Variants in ADGRV1 observed in about 807,000 individuals in gnomAD.
The protein encoded by ADGRV1 is G-protein coupled receptor 98.
A neutral mutation model predicts 596.2 loss-of-function variants in ADGRV1; 359 were observed. The ratio of observed to expected loss-of-function variants is 0.60; its 90% CI spans 0.55 to 0.66. ADGRV1 has a LOEUF of 0.66. Ranked by LOEUF, ADGRV1 falls within the 30% of genes least tolerant of loss-of-function variation. ADGRV1 has a pLI of 0.00. For synonymous variants in ADGRV1, 2,681 were observed against 2,679.2 expected, an observed-to-expected ratio of 1.00 and a Z score of -0.02; for missense variants, 7,274 against 7,575.6, an observed-to-expected ratio of 0.96 and a Z score of 1.48.
rs372484022 is a variant in ADGRV1, at chr5:90,720,066, A to G, written c.9466A>G (p.Ile3156Val). 1.5e-4 allele frequency: 248 copies of G among 1,613,676 alleles called. 2 individuals are homozygous for G. In the South Asian group the frequency reaches 2.1e-3, roughly 14 times the overall value. The change falls in exon 44 of 90, where the codon ATA (isoleucine) becomes GTA (valine). Residue 3156 changes from isoleucine to valine, a missense_variant. This residue lies in a region of ADGRV1 where 3,643 missense variants were observed against 3,809.2 expected (regional missense o/e 0.96). Coordinates refer to ENST00000405460, the MANE Select transcript of ADGRV1 (RefSeq NM_032119.4). ...TTTTCAGGCCCTACAAATATCTGCC[A>G]TATTAGACACGGAACCAGAAATGGA... ...VRFKALQISA[I>V]LDTEPEMDEY...
chr5:90,927,190 G>C (rs1353459637), intron 83 of ADGRV1, among the ~76,000 whole-genome samples: 2 of 150,594 alleles, frequency 1.3e-5, no homozygotes, highest in East Asian at 1.9e-4. Flanking sequence ...GGGTATCCTT[G>C]TTGACTTTCT....
chr5:91,120,426 T>A (rs1263565994), intron 87 of ADGRV1, among the ~76,000 whole-genome samples: 1 of 152,228 alleles, frequency 6.6e-6, no homozygotes, highest in Non-Finnish European at 1.5e-5. Flanking sequence ...GCTGCCAGTT[T>A]GTGGCCTCTG....
intron 83 of ADGRV1, among the ~76,000 whole-genome samples, chr5:90,904,869 G>A (rs1772172525): frequency 6.6e-6 from 1 of 151,448 alleles, no homozygotes; most frequent in South Asian, 2.1e-4. Flanking sequence ...ATAGTTTGAG[G>A]TCTTAGGTTT....
intron 75 of ADGRV1, among the ~76,000 whole-genome samples, chr5:90,822,370 C>T (rs1203868540): frequency 6.6e-6 from 1 of 152,122 alleles, no homozygotes; most frequent in Non-Finnish European, 1.5e-5. Flanking sequence ...AGAAATCACC[C>T]GTCTTCTGCG....
At chr5:90,833,630 G>A (rs533175738) in intron 77 of ADGRV1, among the ~76,000 whole-genome samples, 38 of 152,234 alleles carry the variant, frequency 2.5e-4, no homozygotes, top group African/African-American at 8.7e-4. Context: ...GTTTGGCTAA[G>A]TTAATTCTCA....
chr5:90,701,432 A>C (rs1747894201), intron 34 of ADGRV1, among the ~76,000 whole-genome samples: 1 of 152,074 alleles, frequency 6.6e-6, no homozygotes, highest in Non-Finnish European at 1.5e-5. Context: ...ATAAAGAGAC[A>C]GAATAAATAC....
intron 13 of ADGRV1, among the ~76,000 whole-genome samples, chr5:90,643,571 G>A (rs1392123154): frequency 6.6e-6 from 1 of 152,088 alleles, no homozygotes; most frequent in African/African-American, 2.4e-5. Context: ...TTTTAGAGTA[G>A]TATCATTGTT....
Position 90,705,576 on chromosome 5 carries a change from C to T in ADGRV1, c.8563C>T (p.Leu2855=). The change falls in exon 37 of 90, where the codon CTA becomes TTA. Residue 2855 remains leucine (L), a synonymous_variant. Transcript: ENST00000405460. The stretch of plus-strand genomic sequence containing the variant: ...TTTCATCAACAGAGAATTTGGATCT[C>T]TAGGTTTGTGTTACTCTAGAATGAA... ...QLFINREFGS[L]GAINVTYTTV... 1 of 1,612,632 alleles carries T rather than the reference C, an allele frequency of 6.2e-7. No individual in the cohort carries two copies. The highest frequency in any genetic ancestry group is 8.5e-7 in the Non-Finnish European group (1 of 1,179,104).
intron 1 of ADGRV1, among the ~76,000 whole-genome samples, chr5:90,568,755 A>C (rs1755985952): frequency 1.3e-5 from 2 of 151,972 alleles, no homozygotes; most frequent in Non-Finnish European, 1.5e-5. Flanking sequence ...TTTTCCCCTC[A>C]ATTTGGTCAG....
chr5:90,783,178 A>C lies in ADGRV1; in HGVS notation c.13286A>C (p.Tyr4429Ser). The change falls in exon 66 of 90, where the codon TAT (tyrosine) becomes TCT (serine). Residue 4429 changes from tyrosine (Y) to serine (S), a missense_variant. Physicochemically the swap from Tyr to Ser is moderately radical, Grantham distance 144 (BLOSUM62 -2). This residue lies in a region of ADGRV1 where 3,643 missense variants were observed against 3,809.2 expected (regional missense o/e 0.96). Transcript: ENST00000405460. The stretch of plus-strand genomic sequence containing the variant: ...CCAGTGGTGAGGCTACATGGAACTT[A>C]TGGCTATGTGACAGCTGATTTCATC... ...MIPVVRLHGT[Y>S]GYVTADFISQ... 1 of 1,613,694 alleles carries C rather than the reference A, an allele frequency of 6.2e-7. No individual in the cohort carries two copies. The highest frequency in any genetic ancestry group is 1.1e-5 in the South Asian group (1 of 91,074).
intron 74 of ADGRV1, among the ~76,000 whole-genome samples, chr5:90,815,182 G>A (rs1409493242): frequency 6.6e-6 from 1 of 152,076 alleles, no homozygotes; most frequent in Non-Finnish European, 1.5e-5. Flanking sequence ...TCATTTATTT[G>A]ACAAGTATTT....
At chr5:90,785,292 C>G (rs62373983) in intron 67 of ADGRV1, among the ~76,000 whole-genome samples, 2,191 of 151,738 alleles carry the variant, frequency 0.014, 21 homozygotes, top group Non-Finnish European at 0.023. Flanking sequence ...GACCTAAAAC[C>G]ATAAAAACCC....
intron 41 of ADGRV1, 28 bp downstream of exon 41, chr5:90,711,350 C>T (rs755009320): frequency 1.9e-6 from 3 of 1,541,040 alleles, no homozygotes; most frequent in African/African-American, 2.8e-5. Flanking sequence ...TCACAGATGA[C>T]TTTTACAAAT....
chr5:90,668,243 T>C (rs898201394), intron 21 of ADGRV1, among the ~76,000 whole-genome samples: 1 of 152,010 alleles, frequency 6.6e-6, no homozygotes, highest in African/African-American at 2.4e-5. Flanking sequence ...CTCAGACTGC[T>C]GTGCTAGCAA....
chr5:90,786,883 T>A (rs1185121559), intron 67 of ADGRV1, among the ~76,000 whole-genome samples: 1 of 152,150 alleles, frequency 6.6e-6, no homozygotes, highest in Non-Finnish European at 1.5e-5. Context: ...CAGGGCAGCA[T>A]GCGACTGTGT....
chr5:91,037,629 A>C (rs901160562), intron 85 of ADGRV1, among the ~76,000 whole-genome samples: 2 of 152,232 alleles, frequency 1.3e-5, no homozygotes, highest in African/African-American at 4.8e-5. Flanking sequence ...CTTTAAACAG[A>C]TAAGCCATAA....
chr5:90,646,881 C>G (rs987307105), intron 16 of ADGRV1, among the ~76,000 whole-genome samples: 16 of 150,186 alleles, frequency 1.1e-4, no homozygotes, highest in Middle Eastern at 3.5e-3. Flanking sequence ...TCAAGTGATT[C>G]TCCTGCCTCA....
At chr5:90,703,114 C>T (rs1482726283) in intron 34 of ADGRV1, among the ~76,000 whole-genome samples, 1 of 152,008 alleles carries the variant, frequency 6.6e-6, no homozygotes, top group Non-Finnish European at 1.5e-5. Flanking sequence ...GGCAAAGTTA[C>T]AGATGTTGAT....
At position 90,784,006 on chromosome 5, in the gene ADGRV1, G is replaced by C. The variant is rs767256860; in HGVS notation, c.13602G>C (p.Met4534Ile). The change falls in exon 67 of 90, where the codon ATG becomes ATC. Residue 4534 changes from methionine (M) to isoleucine (I), a missense_variant. Met to Ile is a conservative substitution (Grantham distance 10, BLOSUM62 1). Transcript: ENST00000405460. ...CTATTGCTAATCCCAATTCCACAAT[G>C]ATTTTATCACTGGTGCTGGAGCGGA... ...KISIANPNST[M>I]ILSLVLERTG... 5.6e-6 allele frequency: 9 copies of C among 1,612,882 alleles called. No homozygotes were observed. Among genetic ancestry groups the C allele is most frequent in the Non-Finnish European group, 8.5e-7 (1 of 1,179,426 alleles).
Sources: gnomAD v4.1 joint callset for allele counts (sites outside exome capture counted in the v4.1 genomes callset) on GRCh38, gnomAD v4.1.1 for gene constraint, gnomAD v4.1.1 regional missense constraint, MANE v1.5 for transcripts, NCBI Gene and HGNC (gene_info 2026-07-23, HGNC 2026-07-21) for gene names.